Variants in TUBE1 observed in about 807,000 individuals in gnomAD.
The protein encoded by TUBE1 is tubulin epsilon chain.
In TUBE1, 34 loss-of-function variants were observed where a neutral mutation model predicts 53.5. The ratio of observed to expected loss-of-function variants is 0.64; its 90% CI spans 0.48 to 0.85. The LOEUF is 0.85. TUBE1 is among the 40% of genes least tolerant of loss of function. The pLI is 0.00. For missense variants in TUBE1, 532 were observed against 570.5 expected (o/e 0.93, Z 0.69); for synonymous variants, 177 against 198.4 (o/e 0.89, Z 0.91).
intron 4 of TUBE1, among the ~76,000 whole-genome samples, chr6:112,081,720 A>T (rs1777073414): frequency 1.3e-5 from 2 of 152,012 alleles, no homozygotes; most frequent in South Asian, 4.1e-4. Context: ...CTAATTCATT[A>T]CTACAAACTT....
chr6:112,082,036 C>T (rs1777079629), intron 4 of TUBE1, among the ~76,000 whole-genome samples: 1 of 152,074 alleles, frequency 6.6e-6, no homozygotes, highest in Non-Finnish European at 1.5e-5. Context: ...GATTCAGTGT[C>T]ACAGAGGAAG....
Position 112,087,321 on chromosome 6 carries a change from G to A in TUBE1, c.26-15C>T. 6.4e-7 allele frequency: 1 copy of A among 1,552,152 alleles called. No individual in the cohort carries two copies. The highest frequency in any genetic ancestry group is 8.7e-7 in the Non-Finnish European group (1 of 1,147,250). On this transcript the variant is annotated splice_polypyrimidine_tract_variant and intron_variant, in intron 1 of 11. Coordinates refer to ENST00000368662, the MANE Select transcript of TUBE1 (RefSeq NM_016262.5). ...GCACTGGCCGACTGCGACCGGAGGA[G>A]AGGAAGGAAAGAGAATAGGACATTA...
At chr6:112,075,018 C>A in intron 8 of TUBE1, 168 bp from the exon 9 acceptor site, 3 of 337,040 alleles carry the variant, frequency 8.9e-6, no homozygotes, top group Non-Finnish European at 1.6e-5. Flanking sequence ...TCAGAACAAT[C>A]ATGTATAAAA....
intron 6 of TUBE1, chr6:112,077,953 G>A (rs1453934394): frequency 6.6e-6 from 1 of 151,938 alleles, no homozygotes; most frequent in Admixed American, 6.6e-5. Context: ...ATGGGCAAAG[G>A]ATAGAAACAT....
intron 6 of TUBE1, chr6:112,077,895 G>C (rs1175852028): frequency 6.6e-6 from 1 of 151,914 alleles, no homozygotes; most frequent in Admixed American, 6.6e-5. Flanking sequence ...CTCTAAGAAA[G>C]AGTTCCCACA....
intron 4 of TUBE1, 62 bp from the exon 5 acceptor site, chr6:112,081,269 T>C: frequency 1.1e-6 from 1 of 898,242 alleles, no homozygotes; most frequent in South Asian, 1.6e-5. Flanking sequence ...ACTCTGTAAA[T>C]GAAAAGAATT....
In TUBE1 at chr6:112,081,079, T is replaced by A. The variant is rs376465438; in HGVS notation, c.326+13A>T. 424 of 1,460,316 alleles carry A rather than the reference T, an allele frequency of 2.9e-4. No individual in the cohort carries two copies. Among genetic ancestry groups the A allele is most frequent in the African/African-American group, 6.4e-4 (45 of 70,812 alleles). The allele number at this position is 1,460,316 out of a possible 1,614,324, so 90.5% of individuals were successfully genotyped here. ...TTCAGAAGATATTCAATTTTTACGCTGTGTATTCTCACCAATTATTTCCTG... is the reference window on the plus strand; with the variant it reads ...TTCAGAAGATATTCAATTTTTACGCAGTGTATTCTCACCAATTATTTCCTG... On this transcript the variant is annotated intron_variant, in intron 5 of 11. Transcript: ENST00000368662.
Position 112,074,820 on chromosome 6 carries a change from C to T in TUBE1, c.843G>A (p.Met281Ile). 1 of 1,598,178 alleles carries T rather than the reference C, an allele frequency of 6.3e-7. No homozygotes were observed. Among genetic ancestry groups the T allele is most frequent in the Non-Finnish European group, 8.5e-7 (1 of 1,174,824 alleles). ...AATTCATGCTGATTTCATTAAGGTC[C>T]ATATTAAGGGACCCTTCAAATCTTG... ...SSARFEGSLNMDLNEISMNLV... is the reference protein window; with the variant it reads ...SSARFEGSLNIDLNEISMNLV... The change falls in exon 9 of 12, where the codon ATG becomes ATA. Residue 281 changes from methionine (M) to isoleucine (I), a missense_variant. Coordinates refer to ENST00000368662, the MANE Select transcript of TUBE1 (RefSeq NM_016262.5).
chr6:112,071,673 G>A, intron 11 of TUBE1, 103 bp from the exon 12 acceptor site: 5 of 1,051,376 alleles, frequency 4.8e-6, no homozygotes, highest in Non-Finnish European at 5.3e-6. Context: ...AGTTCATTCA[G>A]CTCTACATTT....
At position 112,071,613 on chromosome 6, in the gene TUBE1, T is replaced by C. The variant is rs373563503; in HGVS notation, c.1270-43A>G. On this transcript the variant is annotated intron_variant, in intron 11 of 11. Coordinates refer to ENST00000368662, the MANE Select transcript of TUBE1 (RefSeq NM_016262.5). ...AGGTAACGTTTACCATTTCAGGAACTTTAATACATAAGACTATCCTAAAAG... is the reference window on the plus strand; with the variant it reads ...AGGTAACGTTTACCATTTCAGGAACCTTAATACATAAGACTATCCTAAAAG... The C allele has an allele frequency of 5.5e-5, 82 of 1,479,760 alleles. No homozygotes were observed. The African/African-American group carries it at 8.8e-4, about 16-fold the overall frequency. The allele number at this position is 1,479,760 out of a possible 1,614,324, so 91.7% of individuals were successfully genotyped here.
chr6:112,087,410 C>T lies in TUBE1; in HGVS notation c.25G>A (p.Val9Ile). 6.4e-7 allele frequency: 1 copy of T among 1,551,192 alleles called. No homozygotes were observed. The highest frequency in any genetic ancestry group is 8.7e-7 in the Non-Finnish European group (1 of 1,146,848). Residue 9 changes from valine (V) to isoleucine (I), a missense_variant and splice_region_variant, in exon 1 of 12, where the codon GTC becomes ATC. Transcript: ENST00000368662. MTQSVVVQ[V>I]GQCGNQIGCC... ...TCTCTACCCGCCCGGCGTAGCTTAC[C>T]CTGTACGACCACCGACTGGGTCATG...
In TUBE1 at chr6:112,075,947, T is replaced by C. The variant is rs1776957635; in HGVS notation, c.802A>G (p.Asn268Asp). ...MNNIVANLLLNLTSSARFEGS... is the reference protein window; with the variant it reads ...MNNIVANLLLDLTSSARFEGS... The stretch of plus-strand genomic sequence containing the variant: ...CCTGGATAGAATTACCTCGTTAGGT[T>C]GAGGAGCAAATTTGCCACAATGTTA... Residue 268 changes from asparagine to aspartate, a missense_variant, in exon 8 of 12, where the codon AAC becomes GAC. Coordinates refer to ENST00000368662, the MANE Select transcript of TUBE1 (RefSeq NM_016262.5). The C allele has an allele frequency of 6.2e-7, 1 of 1,610,656 alleles. No individual in the cohort carries two copies.
At chr6:112,077,040 T>A (rs1776983316) in intron 6 of TUBE1, 1 of 152,236 alleles carries the variant, frequency 6.6e-6, no homozygotes, top group African/African-American at 2.4e-5. Flanking sequence ...CTTTTCATAT[T>A]TAAGTTATAC....
intron 6 of TUBE1, 144 bp downstream of exon 6, chr6:112,079,489 T>C: frequency 3.3e-6 from 2 of 611,374 alleles, no homozygotes; most frequent in Non-Finnish European, 5.2e-6. Flanking sequence ...GATAAAAAGG[T>C]GTATGTTTAT....
intron 6 of TUBE1, chr6:112,076,759 G>T: frequency 3.6e-6 from 1 of 277,436 alleles, no homozygotes; most frequent in Non-Finnish European, 6.7e-6. Context: ...TGTAGAGATA[G>T]GGTCTACCTA....
At chr6:112,080,180 TAAAC>T (rs1777048435) in intron 5 of TUBE1, among the ~76,000 whole-genome samples, 1 of 151,982 alleles carries the variant, frequency 6.6e-6, no homozygotes, top group East Asian at 1.9e-4. Context: ...ATCAAAAATT[TAAAC>T]AAACCTATTC....
chr6:112,080,801 GT>G (rs1213736909), intron 5 of TUBE1, among the ~76,000 whole-genome samples: 2 of 152,004 alleles, frequency 1.3e-5, no homozygotes, highest in African/African-American at 2.4e-5. Context: ...ATAGATAACA[GT>G]TAATGAAAGT....
At chr6:112,073,949 C>T (rs782172767) in intron 9 of TUBE1, among the ~76,000 whole-genome samples, 20 of 151,924 alleles carry the variant, frequency 1.3e-4, no homozygotes, top group Non-Finnish European at 2.5e-4. Context: ...TATGTTGCCC[C>T]GGCTGGTCTT....
At chr6:112,072,976 CTA>C (rs1389191708) in intron 9 of TUBE1, 78 bp from the exon 10 acceptor site, 1 of 1,387,996 alleles carries the variant, frequency 7.2e-7, no homozygotes, top group Non-Finnish European at 9.8e-7. Context: ...AGATAGTCCT[CTA>C]TAAGTAAGAA....
Sources: allele counts gnomAD v4.1 joint callset (sites outside exome capture counted in the v4.1 genomes callset), GRCh38; gene constraint gnomAD v4.1.1; transcripts MANE v1.5; gene names NCBI Gene and HGNC (gene_info 2026-07-23, HGNC 2026-07-21).